Variants in ZNF487 observed in about 807,000 individuals in gnomAD.
The protein encoded by ZNF487 is KRAB domain only 1.
ZNF487 carries 4 observed loss-of-function variants against 3.0 expected under a neutral mutation model. The ratio of observed to expected loss-of-function variants is 1.35; its 90% CI spans 0.66 to 3.08. The LOEUF (loss-of-function observed/expected upper bound fraction) is 3.08, where lower values mean the gene tolerates loss of function less well. Ranked by LOEUF, ZNF487 falls within the 30% of genes most tolerant of loss-of-function variation. The probability of loss-of-function intolerance (pLI) is 0.01; values close to 1 mark genes in which losing one functional copy is unlikely to be tolerated. For missense variants in ZNF487, 146 were observed against 98.7 expected, an observed-to-expected ratio of 1.48 and a Z score of -2.03; for synonymous variants, 55 against 34.6, an observed-to-expected ratio of 1.59 and a Z score of -2.06.
intron 1 of ZNF487, among the ~76,000 whole-genome samples, chr10:43,462,559 G>A (rs1840470772): frequency 6.7e-6 from 1 of 150,018 alleles, no homozygotes; most frequent in African/African-American, 2.5e-5. Flanking sequence ...GGGTTCAAGC[G>A]ACTCTTCTGC....
chr10:43,484,465 G>A (rs777916746), downstream of ZNF487, among the ~76,000 whole-genome samples: 1 of 151,798 alleles, frequency 6.6e-6, no homozygotes, highest in Non-Finnish European at 1.5e-5. Context: ...AAATTAGCTG[G>A]GCATGATGGT....
the ZNF487 span, among the ~76,000 whole-genome samples, chr10:43,500,977 C>T: frequency 6.6e-6 from 1 of 152,180 alleles, no homozygotes; most frequent in East Asian, 1.9e-4. Flanking sequence ...AGGATACACT[C>T]TGGGACATGT....
chr10:43,445,114 C>G (rs1479495828), intron 1 of ZNF487, among the ~76,000 whole-genome samples: 1 of 151,580 alleles, frequency 6.6e-6, no homozygotes, highest in Non-Finnish European at 1.5e-5. Context: ...TCATTTCATT[C>G]AGTGTATTTT....
the ZNF487 span, among the ~76,000 whole-genome samples, chr10:43,490,535 G>A: frequency 1.6e-5 from 1 of 61,700 alleles, no homozygotes; most frequent in Non-Finnish European, 3.4e-5. Flanking sequence ...TTGAGATGGA[G>A]TTTTGCTCTT....
At chr10:43,489,579 C>T in the ZNF487 span, among the ~76,000 whole-genome samples, 1 of 152,112 alleles carries the variant, frequency 6.6e-6, no homozygotes, top group African/African-American at 2.4e-5. Flanking sequence ...ATCTCGAACT[C>T]CTGACCCCAG....
the ZNF487 span, among the ~76,000 whole-genome samples, chr10:43,522,385 T>C: frequency 6.6e-6 from 1 of 152,042 alleles, no homozygotes; most frequent in Non-Finnish European, 1.5e-5. Flanking sequence ...CTAGTATGTG[T>C]CCACTGATTT....
At chr10:43,520,319 T>C in the ZNF487 span, among the ~76,000 whole-genome samples, 1 of 152,186 alleles carries the variant, frequency 6.6e-6, no homozygotes, top group Non-Finnish European at 1.5e-5. Flanking sequence ...TGAGTACTCT[T>C]TTACATTTAT....
the ZNF487 span, among the ~76,000 whole-genome samples, chr10:43,517,336 A>C: frequency 6.6e-6 from 1 of 152,208 alleles, no homozygotes; most frequent in East Asian, 1.9e-4. Context: ...CATATTCCTC[A>C]TTTACAAGTT....
the ZNF487 span, among the ~76,000 whole-genome samples, chr10:43,502,802 G>A: frequency 4.6e-5 from 7 of 152,104 alleles, no homozygotes; most frequent in Admixed American, 1.3e-4. Context: ...GGGCCAAGCC[G>A]GGTGAATCAC....
In ZNF487 at chr10:43,466,925, A is replaced by G. The variant is rs909989782; in HGVS notation, c.-93-8796A>G. Reference sequence around the variant, plus strand: ...CTCTTGTTGTCCAGGCTGGATTGCAATGGCGTGATCTTGGCTCACTGCAAC... The same window carrying G: ...CTCTTGTTGTCCAGGCTGGATTGCAGTGGCGTGATCTTGGCTCACTGCAAC... On this transcript the variant is annotated intron_variant, in intron 1 of 3. Coordinates refer to ENST00000437590, the MANE Select transcript of ZNF487 (RefSeq NM_001355444.3). 2.5e-4 allele frequency among the ~76,000 whole-genome samples: 38 copies of G among 151,254 alleles called. 1 individual carries two copies. Among genetic ancestry groups the G allele is most frequent in the Admixed American group, 2.2e-3 (34 of 15,170 alleles).
the ZNF487 span, chr10:43,523,446 C>T: frequency 6.6e-6 from 1 of 152,120 alleles, no homozygotes; most frequent in Non-Finnish European, 1.5e-5. Context: ...AATTATATTT[C>T]AGAATTAATT....
intron 1 of ZNF487, among the ~76,000 whole-genome samples, chr10:43,466,113 G>T (rs545145136): frequency 6.6e-6 from 1 of 151,510 alleles, no homozygotes; most frequent in South Asian, 2.1e-4. Flanking sequence ...AGGCAGGGAG[G>T]TTGCAGTGAG....
At chr10:43,502,932 G>A in the ZNF487 span, among the ~76,000 whole-genome samples, 1 of 150,988 alleles carries the variant, frequency 6.6e-6, no homozygotes, top group Admixed American at 6.6e-5. Context: ...TCAAGAGGCT[G>A]AGATGGGAGG....
intron 1 of ZNF487, among the ~76,000 whole-genome samples, chr10:43,448,674 G>C (rs1201175721): frequency 6.6e-6 from 1 of 151,934 alleles, no homozygotes; most frequent in Non-Finnish European, 1.5e-5. Context: ...AAAATTAGCT[G>C]GGCGCGGTGG....
chr10:43,499,065 T>G, the ZNF487 span, among the ~76,000 whole-genome samples: 1 of 152,226 alleles, frequency 6.6e-6, no homozygotes, highest in African/African-American at 2.4e-5. Flanking sequence ...AGTTAGCAGT[T>G]AGACTTCTGT....
At position 43,475,763 on chromosome 10, in the gene ZNF487, G is replaced by C; in HGVS notation, c.-51G>C. ...TGATGTGGCTGTGGGCTTCACCCAGGAGGAGTGGCAGCATCTGGACTCTGC... is the reference window on the plus strand; with the variant it reads ...TGATGTGGCTGTGGGCTTCACCCAGCAGGAGTGGCAGCATCTGGACTCTGC... On this transcript the variant is annotated 5_prime_UTR_variant, in exon 2 of 4. Coordinates refer to ENST00000437590, the MANE Select transcript of ZNF487 (RefSeq NM_001355444.3). 1 of 780,962 alleles carries C rather than the reference G, an allele frequency of 1.3e-6. No individual in the cohort carries two copies. The highest frequency in any genetic ancestry group is 2.4e-5 in the East Asian group (1 of 41,254). The allele number at this position is 780,962 out of a possible 1,614,324, so 48.4% of individuals were successfully genotyped here. A position where few individuals can be genotyped will look rare whatever the true frequency, so the allele number is the denominator to read the frequency against.
chr10:43,454,578 T>C (rs1428216690), intron 1 of ZNF487: 2 of 152,198 alleles, frequency 1.3e-5, no homozygotes, highest in Non-Finnish European at 2.9e-5. Context: ...AATGCAAAAA[T>C]TTAGTGTAAC....
At chr10:43,467,764 C>T (rs1214228805) in intron 1 of ZNF487, among the ~76,000 whole-genome samples, 2 of 151,274 alleles carry the variant, frequency 1.3e-5, no homozygotes, top group African/African-American at 2.4e-5. Context: ...TTGCAGTGAG[C>T]CGAGATTGTG....
the ZNF487 span, among the ~76,000 whole-genome samples, chr10:43,502,082 A>G: frequency 6.6e-6 from 1 of 152,204 alleles, no homozygotes; most frequent in African/African-American, 2.4e-5. Context: ...ACACATGCAC[A>G]TGTATGTTTA....
Sources: allele counts gnomAD v4.1 joint callset (sites outside exome capture counted in the v4.1 genomes callset), GRCh38; gene constraint gnomAD v4.1.1; transcripts MANE v1.5; gene names NCBI Gene and HGNC (gene_info 2026-07-23, HGNC 2026-07-21).